MICAL3: variants seen among roughly 807,000 people sequenced by gnomAD.
MICAL3 encodes [F-actin]-monooxygenase MICAL3.
In MICAL3, 62 loss-of-function variants were observed where a neutral mutation model predicts 207.4. That is an observed-to-expected ratio of 0.30 (90% CI 0.24 to 0.37). The LOEUF (loss-of-function observed/expected upper bound fraction) is 0.37, where lower values mean the gene tolerates loss of function less well. MICAL3 is among the 10% of genes least tolerant of loss of function. MICAL3 has a pLI of 1.00. For missense variants in MICAL3, 2,368 were observed against 2,635.6 expected (o/e 0.90, Z 2.22); for synonymous variants, 1,077 against 1,069.3 (o/e 1.01, Z -0.14).
intron 1 of MICAL3, among the ~76,000 whole-genome samples, chr22:17,941,220 A>G (rs1407657640): frequency 6.6e-6 from 1 of 152,312 alleles, no homozygotes; most frequent in East Asian, 1.9e-4. Context: ...CATTTGCCCT[A>G]AGAGACTCAA....
Position 17,789,040 on chromosome 22 carries a change from C to G in MICAL3, c.*1692G>C, listed in dbSNP as rs1370118250. The G allele has an allele frequency of 6.6e-6, 1 of 152,444 alleles. No individual in the cohort carries two copies. Among genetic ancestry groups the G allele is most frequent in the African/African-American group, 2.4e-5 (1 of 41,484 alleles). 9.4% of individuals were successfully genotyped at this position (152,444 alleles called of 1,614,324 possible). ...TGGACAAGCACCCCACCCCGATTAG[C>G]TCAGTGGCTTGATGAGCTGTACACA... is the stretch of plus-strand genomic sequence containing the variant. On this transcript the variant is annotated 3_prime_UTR_variant, in exon 32 of 32. Transcript: ENST00000441493.
chr22:17,884,664 A>G (rs990480325), intron 16 of MICAL3, among the ~76,000 whole-genome samples: 1 of 152,224 alleles, frequency 6.6e-6, no homozygotes, highest in Non-Finnish European at 1.5e-5. Flanking sequence ...TGGAAAACTA[A>G]TATTCCCATC....
intron 21 of MICAL3, among the ~76,000 whole-genome samples, chr22:17,828,636 C>T (rs1008034154): frequency 6.6e-6 from 1 of 152,222 alleles, no homozygotes; most frequent in Non-Finnish European, 1.5e-5. Context: ...CTTATCACCT[C>T]TGGAAACAAG....
intron 20 of MICAL3, among the ~76,000 whole-genome samples, chr22:17,832,855 G>A (rs575679817): frequency 1.8e-4 from 27 of 152,248 alleles, no homozygotes; most frequent in South Asian, 1.7e-3. Context: ...ACCCTACCAC[G>A]TGCCAATCCC....
intron 1 of MICAL3, among the ~76,000 whole-genome samples, chr22:17,917,919 G>C (rs935787043): frequency 6.6e-6 from 1 of 152,330 alleles, no homozygotes; most frequent in African/African-American, 2.4e-5. Context: ...GGTAAGCCCA[G>C]CTATGAGAAG....
At chr22:17,830,626 G>A (rs894224500) in intron 21 of MICAL3, among the ~76,000 whole-genome samples, 6 of 152,214 alleles carry the variant, frequency 3.9e-5, no homozygotes, top group Non-Finnish European at 7.3e-5. Flanking sequence ...ACCTGGCTCC[G>A]CAGACACGGC....
At chr22:17,812,643 G>A in intron 27 of MICAL3, 2 of 609,066 alleles carry the variant, frequency 3.3e-6, no homozygotes, top group Non-Finnish European at 4.1e-6. Flanking sequence ...CACAGAAATG[G>A]AGCAAAATAA....
At chr22:17,986,365 CA>C (rs1345938683) in intron 1 of MICAL3, among the ~76,000 whole-genome samples, 1 of 152,080 alleles carries the variant, frequency 6.6e-6, no homozygotes, top group East Asian at 1.9e-4. Context: ...ATTAAAAATA[CA>C]AAAATTAGCC....
At chr22:17,800,789 CAT>C (rs1415160166) in intron 29 of MICAL3, among the ~76,000 whole-genome samples, 1 of 152,190 alleles carries the variant, frequency 6.6e-6, no homozygotes, top group Non-Finnish European at 1.5e-5. Flanking sequence ...CCAGGTTTTA[CAT>C]ATGAGGCTCC....
intron 1 of MICAL3, among the ~76,000 whole-genome samples, chr22:18,023,671 C>T (rs958387744): frequency 3.9e-5 from 6 of 152,256 alleles, no homozygotes; most frequent in Admixed American, 2.6e-4. Flanking sequence ...TTGTTGCACA[C>T]GCCCGGGAGC....
intron 7 of MICAL3, 71 bp downstream of exon 7, chr22:17,899,377 A>G: frequency 9.9e-7 from 1 of 1,007,756 alleles, no homozygotes; most frequent in Non-Finnish European, 1.5e-6. Context: ...AAAACCCATC[A>G]GACAATTCTT....
At chr22:17,875,742 G>T (rs1928260700) in intron 16 of MICAL3, among the ~76,000 whole-genome samples, 1 of 149,286 alleles carries the variant, frequency 6.7e-6, no homozygotes, top group African/African-American at 2.5e-5. Context: ...CAAGGCTTCC[G>T]TTTTGCTTTT....
chr22:17,893,524 A>C (rs1930558588), intron 11 of MICAL3, among the ~76,000 whole-genome samples: 1 of 151,960 alleles, frequency 6.6e-6, no homozygotes, highest in Admixed American at 6.6e-5. Context: ...TGCTCTCGTA[A>C]CACCTCAGGC....
intron 1 of MICAL3, among the ~76,000 whole-genome samples, chr22:17,981,476 G>A (rs1022491840): frequency 1.3e-5 from 2 of 151,994 alleles, no homozygotes; most frequent in Non-Finnish European, 2.9e-5. Context: ...CAATATAATG[G>A]TTACAGACAC....
chr22:17,963,151 C>T (rs969167784), intron 1 of MICAL3, among the ~76,000 whole-genome samples: 1 of 152,114 alleles, frequency 6.6e-6, no homozygotes, highest in East Asian at 1.9e-4. Flanking sequence ...CTCACTCTGT[C>T]GCCCAGACTG....
intron 10 of MICAL3, among the ~76,000 whole-genome samples, chr22:17,894,341 G>C (rs1263036141): frequency 1.3e-5 from 2 of 148,848 alleles, no homozygotes; most frequent in African/African-American, 5.0e-5. Flanking sequence ...TCAGTGAGCT[G>C]AGATAGTGCC....
At chr22:17,797,774 C>A (rs2061891883) in intron 29 of MICAL3, among the ~76,000 whole-genome samples, 1 of 152,240 alleles carries the variant, frequency 6.6e-6, no homozygotes, top group African/African-American at 2.4e-5. Context: ...ACTGAGCACC[C>A]CAAACGCACC....
At chr22:17,899,028 C>A (rs1317991139) in intron 7 of MICAL3, among the ~76,000 whole-genome samples, 5 of 152,216 alleles carry the variant, frequency 3.3e-5, no homozygotes, top group African/African-American at 9.6e-5. Context: ...ACTCTTCAAC[C>A]AACCAATCAT....
chr22:17,831,094 C>A (rs1199941737), intron 21 of MICAL3, among the ~76,000 whole-genome samples: 1 of 152,194 alleles, frequency 6.6e-6, no homozygotes, highest in Non-Finnish European at 1.5e-5. Context: ...GTCACTGGTG[C>A]TCAGAAATTA....
Sources: gnomAD v4.1 joint callset for allele counts (sites outside exome capture counted in the v4.1 genomes callset) on GRCh38, gnomAD v4.1.1 for gene constraint, MANE v1.5 for transcripts, NCBI Gene and HGNC (gene_info 2026-07-23, HGNC 2026-07-21) for gene names.